TTC22: variants seen among roughly 807,000 people sequenced by gnomAD.
TTC22 encodes tetratricopeptide repeat domain 22.
A neutral mutation model predicts 48.2 loss-of-function variants in TTC22; 42 were observed. The ratio of observed to expected loss-of-function variants is 0.87; its 90% CI spans 0.68 to 1.13. The LOEUF (loss-of-function observed/expected upper bound fraction) is 1.13. Ranked by LOEUF, TTC22 falls within the 50% of genes most tolerant of loss-of-function variation. The pLI is 0.00. For synonymous variants in TTC22, 345 were observed against 365.5 expected (o/e 0.94, Z 0.64); for missense variants, 784 against 807.0 (o/e 0.97, Z 0.34).
chr1:54,786,027 G>A lies in TTC22; in HGVS notation c.976C>T (p.Arg326Ter), dbSNP rs540310870. Residue 326 changes from arginine (R) to a stop codon, truncating the protein, a stop_gained, in exon 5 of 7, where the codon CGA becomes TGA. Transcript: ENST00000371276. LOFTEE classifies it high-confidence loss of function. Reference sequence around the variant, plus strand: ...GCCTGCCAGTTGAGTTCTGGATCTCGTAGGACATCCAGGGCCATGTTGCAG... The same window carrying A: ...GCCTGCCAGTTGAGTTCTGGATCTCATAGGACATCCAGGGCCATGTTGCAG... ...GTCNMALDVL[R>*]DPELNWQAYC... is the part of the protein sequence containing the mutation. The A allele has an allele frequency of 7.4e-6, 12 of 1,614,010 alleles. No individual in the cohort carries two copies. Among genetic ancestry groups the A allele is most frequent in the South Asian group, 2.2e-5 (2 of 91,070 alleles).
chr1:54,786,044 A>C lies in TTC22; in HGVS notation c.959T>G (p.Met320Arg). The C allele has an allele frequency of 6.2e-7, 1 of 1,614,106 alleles. No homozygotes were observed. ...KQDMAIGTCN[M>R]ALDVLRDPEL... ...TGGATCTCGTAGGACATCCAGGGCC[A>C]TGTTGCAGGTTCCAATGGCCATATC... The change falls in exon 5 of 7, where the codon ATG becomes AGG. Residue 320 changes from methionine to arginine, a missense_variant. Coordinates refer to ENST00000371276, the MANE Select transcript of TTC22 (RefSeq NM_001114108.2).
intron 1 of TTC22, among the ~76,000 whole-genome samples, chr1:54,793,942 G>A (rs979904318): frequency 2.6e-5 from 4 of 152,122 alleles, no homozygotes; most frequent in African/African-American, 9.7e-5. Flanking sequence ...CTAGACAAGC[G>A]GTTTTCAAAG....
Position 54,786,413 on chromosome 1 carries a change from A to G in TTC22, c.859-269T>C, listed in dbSNP as rs1433111108. 1.3e-5 allele frequency: 5 copies of G among 398,882 alleles called. No individual in the cohort carries two copies. The East Asian group carries it at 2.1e-4, about 17-fold the overall frequency. The allele number at this position is 398,882 out of a possible 1,614,324, so 24.7% of individuals were successfully genotyped here. ...CATCCAGTAAAGCCTTCCAGAGCCCAGTCAGACCCCTCCTTCCCAGTGTAT... is the reference window on the plus strand; with the variant it reads ...CATCCAGTAAAGCCTTCCAGAGCCCGGTCAGACCCCTCCTTCCCAGTGTAT... On this transcript the variant is annotated intron_variant, in intron 4 of 6. Transcript: ENST00000371276.
At chr1:54,784,376 C>T (rs951927638) in intron 5 of TTC22, among the ~76,000 whole-genome samples, 3 of 152,212 alleles carry the variant, frequency 2.0e-5, no homozygotes, top group Non-Finnish European at 4.4e-5. Flanking sequence ...GATCATAAGA[C>T]ACCAGATGGT....
chr1:54,781,314 G>A lies in TTC22; in HGVS notation c.1639C>T (p.Leu547Phe). 6.9e-7 allele frequency: 1 copy of A among 1,456,394 alleles called. No homozygotes were observed. The highest frequency in any genetic ancestry group is 9.0e-7 in the Non-Finnish European group (1 of 1,113,898). 90.2% of individuals were successfully genotyped at this position (1,456,394 alleles called of 1,614,324 possible). The change falls in exon 7 of 7, where the codon CTC (leucine) becomes TTC (phenylalanine). Residue 547 changes from leucine (L) to phenylalanine (F), a missense_variant. Leu to Phe is a conservative substitution (Grantham distance 22). Coordinates refer to ENST00000371276, the MANE Select transcript of TTC22 (RefSeq NM_001114108.2). Reference sequence around the variant, plus strand: ...CCCTCGCGCTCCATGGTCTCGAAGAGCAGCCGCACCAGCGCCGGCCGTCCC... The same window carrying A: ...CCCTCGCGCTCCATGGTCTCGAAGAACAGCCGCACCAGCGCCGGCCGTCCC... Reference protein sequence around the residue: ...AQGRPALVRLLFETMEREGEG... With the variant: ...AQGRPALVRLFFETMEREGEG...
rs199743910 is a variant in TTC22 at position 54,787,714 on chromosome 1, G to C, written c.736C>G (p.Arg246Gly). The change falls in exon 3 of 7, where the codon CGA (arginine) becomes GGA (glycine). Residue 246 changes from arginine (R) to glycine (G), a missense_variant. Arg to Gly is a moderately radical substitution (Grantham distance 125). Coordinates refer to ENST00000371276, the MANE Select transcript of TTC22 (RefSeq NM_001114108.2). ...QVLKSEDPRH[R>G]ALAWCYLGML... is the part of the protein sequence containing the mutation. ...CACCCATCCCCCGGGTCCCCACCTC[G>C]GTGGCGGGGGTCCTCGGACTTCAGC... is the stretch of plus-strand genomic sequence containing the variant. 14 of 1,610,472 alleles carry C rather than the reference G, an allele frequency of 8.7e-6. No homozygotes were observed. Among genetic ancestry groups the C allele is most frequent in the Admixed American group, 1.7e-5 (1 of 59,822 alleles).
At chr1:54,782,643 G>T (rs780033966) in intron 5 of TTC22, among the ~76,000 whole-genome samples, 166 bp from the exon 6 acceptor site, 1 of 152,144 alleles carries the variant, frequency 6.6e-6, no homozygotes, top group Non-Finnish European at 1.5e-5. Context: ...TCCTAGCCTT[G>T]GACCAACTTG....
In TTC22 at chr1:54,800,632, C is replaced by T. The variant is rs762407457; in HGVS notation, c.532G>A (p.Ala178Thr). 22 of 1,552,382 alleles carry T rather than the reference C, an allele frequency of 1.4e-5. No homozygotes were observed. In the Middle Eastern group the frequency reaches 6.8e-4, roughly 48 times the overall value. ...TAGCCTAGCGCCTTGTCGTAGAGCG[C>T]GATGCCTGCCGCCAGCCCCCGCGCA... Reference protein sequence around the residue: ...ERARGLAAGIALYDKALGYGQ... With the variant: ...ERARGLAAGITLYDKALGYGQ... The change falls in exon 1 of 7, where the codon GCG (alanine) becomes ACG (threonine). Residue 178 changes from alanine (A) to threonine (T), a missense_variant. Transcript: ENST00000371276.
chr1:54,798,341 G>C (rs1646408314), intron 1 of TTC22, among the ~76,000 whole-genome samples: 1 of 152,204 alleles, frequency 6.6e-6, no homozygotes, highest in Admixed American at 6.5e-5. Flanking sequence ...CCTGCTGAAG[G>C]GGAGTGTTCC....
intron 1 of TTC22, among the ~76,000 whole-genome samples, chr1:54,795,556 C>A (rs914119969): frequency 1.3e-5 from 2 of 152,200 alleles, no homozygotes; most frequent in African/African-American, 4.8e-5. Flanking sequence ...GCGTCCAAAT[C>A]CAACTCTAGC....
rs1646263712 is a variant in TTC22 at position 54,781,629 on chromosome 1, G to A, written c.1324C>T (p.Leu442=). Reference sequence around the variant, plus strand: ...TTGGCGTCCTCGCCCTTGATGCGCAGGCACTTGCCGCGCAGCAGCTGCAGC... The same window carrying A: ...TTGGCGTCCTCGCCCTTGATGCGCAAGCACTTGCCGCGCAGCAGCTGCAGC... The part of the protein sequence containing the change: ...PELQLLRGKC[L]RIKGEDANAA... The change falls in exon 7 of 7, where the codon CTG becomes TTG. Residue 442 remains leucine (L), a synonymous_variant. Transcript: ENST00000371276. 1.2e-5 allele frequency: 19 copies of A among 1,530,594 alleles called. No homozygotes were observed. Among genetic ancestry groups the A allele is most frequent in the Non-Finnish European group, 1.7e-5 (19 of 1,144,156 alleles). 94.8% of individuals were successfully genotyped at this position (1,530,594 alleles called of 1,614,324 possible).
At chr1:54,792,967 T>G (rs1646364087) in intron 1 of TTC22, 1 of 152,218 alleles carries the variant, frequency 6.6e-6, no homozygotes, top group Non-Finnish European at 1.5e-5. Context: ...ACAGAGTTTA[T>G]GACTCCCAGA....
intron 1 of TTC22, among the ~76,000 whole-genome samples, chr1:54,795,688 C>G (rs138478911): frequency 2.8e-4 from 43 of 152,350 alleles, no homozygotes; most frequent in African/African-American, 9.4e-4. Context: ...CATACATCAT[C>G]TTTTCTCCTG....
intron 1 of TTC22, among the ~76,000 whole-genome samples, chr1:54,799,381 A>G (rs1052828176): frequency 6.6e-6 from 1 of 152,060 alleles, no homozygotes; most frequent in African/African-American, 2.4e-5. Context: ...GGCTTCCCCC[A>G]GTGAACGGCC....
chr1:54,790,316 G>C (rs1184714173), intron 1 of TTC22, among the ~76,000 whole-genome samples: 3 of 152,190 alleles, frequency 2.0e-5, no homozygotes, highest in African/African-American at 7.2e-5. Context: ...GGAGTTTAAG[G>C]CTGCAGTGAA....
chr1:54,786,856 G>A (rs916774588), intron 4 of TTC22, 101 bp downstream of exon 4: 12 of 530,248 alleles, frequency 2.3e-5, no homozygotes, highest in Middle Eastern at 4.1e-4. Flanking sequence ...TGGGCCACGC[G>A]GTGGGGGTTG....
Position 54,800,602 on chromosome 1 carries a change from G to T in TTC22, c.562C>A (p.Gln188Lys), listed in dbSNP as rs1646425986. ...ALYDKALGYG[Q>K]QIPMEEKRGW... is the part of the protein sequence containing the mutation. ...GGGAGACAGGGGTCACCTACCTGCTGCCCGTAGCCTAGCGCCTTGTCGTAG... is the reference window on the plus strand; with the variant it reads ...GGGAGACAGGGGTCACCTACCTGCTTCCCGTAGCCTAGCGCCTTGTCGTAG... The change falls in exon 1 of 7, where the codon CAG (glutamine) becomes AAG (lysine). Residue 188 changes from glutamine to lysine, a missense_variant. By Grantham distance (53) the Gln-to-Lys change is moderately conservative. Transcript: ENST00000371276. 2 of 1,522,648 alleles carry T rather than the reference G, an allele frequency of 1.3e-6. No individual in the cohort carries two copies. The highest frequency in any genetic ancestry group is 1.7e-6 in the Non-Finnish European group (2 of 1,147,648). 94.3% of individuals were successfully genotyped at this position (1,522,648 alleles called of 1,614,324 possible).
At chr1:54,794,314 A>C (rs1196503542) in intron 1 of TTC22, among the ~76,000 whole-genome samples, 16 of 152,334 alleles carry the variant, frequency 1.1e-4, no homozygotes, top group Non-Finnish European at 5.9e-5. Flanking sequence ...CCATTACCAG[A>C]GTAGGTATGT....
chr1:54,798,290 C>G (rs1250328939), intron 1 of TTC22, among the ~76,000 whole-genome samples: 1 of 152,234 alleles, frequency 6.6e-6, no homozygotes, highest in Non-Finnish European at 1.5e-5. Context: ...ATGCACCATG[C>G]TCCTGCTGGG....
Sources: gnomAD v4.1 joint callset for allele counts (sites outside exome capture counted in the v4.1 genomes callset) on GRCh38, gnomAD v4.1.1 for gene constraint, MANE v1.5 for transcripts, NCBI Gene and HGNC (gene_info 2026-07-23, HGNC 2026-07-21) for gene names.